Variants in DNAJC3 observed in about 807,000 individuals in gnomAD.
DNAJC3 encodes the protein DnaJ heat shock protein family (Hsp40) member C3, also known as dnaJ homolog subfamily C member 3.
Under a neutral mutation model 68.6 loss-of-function variants are expected in DNAJC3, and 38 were observed. That is an observed-to-expected ratio of 0.55 (90% CI 0.43 to 0.73). The LOEUF is 0.73. Ranked by LOEUF, DNAJC3 falls within the 30% of genes least tolerant of loss-of-function variation. The pLI, the probability that DNAJC3 is intolerant of heterozygous loss-of-function variation, is 0.00. For synonymous variants in DNAJC3, 203 were observed against 204.0 expected (o/e 1.00, Z 0.04); for missense variants, 526 against 591.9 (o/e 0.89, Z 1.16).
intron 5 of DNAJC3, among the ~76,000 whole-genome samples, chr13:95,759,730 CTA>C (rs1196957810): frequency 6.6e-6 from 1 of 152,074 alleles, no homozygotes; most frequent in African/African-American, 2.4e-5. Flanking sequence ...ATAGTAAATG[CTA>C]TGTTTTCTTA....
intron 9 of DNAJC3, among the ~76,000 whole-genome samples, chr13:95,772,862 T>C (rs561836196): frequency 6.6e-6 from 1 of 152,326 alleles, no homozygotes; most frequent in South Asian, 2.1e-4. Flanking sequence ...AATTTAGATA[T>C]TGCTGGATTT....
At chr13:95,772,680 A>T (rs1461745068) in intron 9 of DNAJC3, among the ~76,000 whole-genome samples, 1 of 152,228 alleles carries the variant, frequency 6.6e-6, no homozygotes, top group Non-Finnish European at 1.5e-5. Flanking sequence ...TGAAGTAAGC[A>T]TTCTGCACAT....
chr13:95,726,135 A>ACGTGTG (rs1328586390), intron 4 of DNAJC3, among the ~76,000 whole-genome samples: 1 of 151,940 alleles, frequency 6.6e-6, no homozygotes, highest in Non-Finnish European at 1.5e-5. Flanking sequence ...CAATAAACAT[A>ACGTGTG]CGTGTGCATG....
chr13:95,742,668 G>T (rs769247498), intron 4 of DNAJC3: 5 of 518,414 alleles, frequency 9.6e-6, no homozygotes, highest in Admixed American at 7.8e-5. Flanking sequence ...GGACTCCAGC[G>T]TTCTCTCCTA....
At position 95,791,118 on chromosome 13, in the gene DNAJC3, A is replaced by G; in HGVS notation, c.*88A>G. The G allele has an allele frequency of 2.7e-6, 4 of 1,490,798 alleles. No individual in the cohort carries two copies. The highest frequency in any genetic ancestry group is 3.7e-6 in the Non-Finnish European group (4 of 1,092,196). The allele number at this position is 1,490,798 out of a possible 1,614,324, so 92.3% of individuals were successfully genotyped here. On this transcript the variant is annotated 3_prime_UTR_variant, in exon 12 of 12. Transcript: ENST00000602402. ...GGGACCCTAATGAAAAAAAATTTCA[A>G]ATCTTTTCAGTTTGTCCATGACCAA...
At chr13:95,784,219 T>C (rs1442231437) in intron 9 of DNAJC3, among the ~76,000 whole-genome samples, 1 of 152,188 alleles carries the variant, frequency 6.6e-6, no homozygotes, top group Non-Finnish European at 1.5e-5. Flanking sequence ...GAATTATCTA[T>C]GCAGGGAGAA....
chr13:95,698,264 C>T (rs1249248859), intron 1 of DNAJC3, among the ~76,000 whole-genome samples: 2 of 152,030 alleles, frequency 1.3e-5, no homozygotes, highest in African/African-American at 4.8e-5. Context: ...TGGTATGAGC[C>T]AGCAGCAGCA....
At chr13:95,753,001 G>A (rs1882528464) in intron 4 of DNAJC3, among the ~76,000 whole-genome samples, 1 of 152,192 alleles carries the variant, frequency 6.6e-6, no homozygotes, top group Admixed American at 6.5e-5. Flanking sequence ...ACCTGTTAAT[G>A]TGAGAAAGGC....
chr13:95,740,160 C>G (rs1045378715), intron 4 of DNAJC3, among the ~76,000 whole-genome samples: 1 of 152,240 alleles, frequency 6.6e-6, no homozygotes, highest in Non-Finnish European at 1.5e-5. Flanking sequence ...AGGAGGCAGT[C>G]TACCCGTTCT....
At chr13:95,767,820 G>T (rs111904979) in intron 9 of DNAJC3, among the ~76,000 whole-genome samples, 17,262 of 150,448 alleles carry the variant, frequency 0.11, 1,116 homozygotes, top group Middle Eastern at 0.21. Flanking sequence ...CTCCTTAGTA[G>T]CTGGGATTGC....
intron 4 of DNAJC3, chr13:95,742,511 T>A (rs1321202429): frequency 2.4e-6 from 1 of 419,408 alleles, no homozygotes; most frequent in African/African-American, 2.1e-5. Context: ...ATTGGAGGAG[T>A]CCACAGTGGC....
In DNAJC3 at chr13:95,763,847, T is replaced by G. The variant is rs780615473; in HGVS notation, c.969T>G (p.Val323=). Residue 323 remains valine (V), a synonymous_variant, in exon 9 of 12, where the codon GTT becomes GTG. Coordinates refer to ENST00000602402, the MANE Select transcript of DNAJC3 (RefSeq NM_006260.5). The part of the protein sequence containing the change: ...CHCFSKDEKP[V]EAIRVCSEVL... ...TTTCCTTTTAGGACGAGAAGCCTGT[T>G]GAAGCTATTAGGGTTTGTTCTGAAG... 2.5e-6 allele frequency: 4 copies of G among 1,613,972 alleles called. No individual in the cohort carries two copies. In the South Asian group the frequency reaches 3.3e-5, roughly 13 times the overall value.
intron 1 of DNAJC3, among the ~76,000 whole-genome samples, chr13:95,692,253 G>A (rs1167501728): frequency 6.6e-6 from 1 of 152,186 alleles, no homozygotes; most frequent in Admixed American, 6.5e-5. Context: ...TTTTGTGGTT[G>A]TTGGATAGAA....
chr13:95,678,944 C>T (rs1369199889), intron 1 of DNAJC3, among the ~76,000 whole-genome samples: 3 of 152,022 alleles, frequency 2.0e-5, no homozygotes, highest in African/African-American at 7.3e-5. Flanking sequence ...TTCTTTAGGA[C>T]CATTGTCTGT....
intron 7 of DNAJC3, 70 bp from the exon 8 acceptor site, chr13:95,763,573 G>C: frequency 1.4e-6 from 2 of 1,443,614 alleles, no homozygotes; most frequent in Non-Finnish European, 1.9e-6. Flanking sequence ...TGGTGAAGAG[G>C]GGAGGAGCCT....
In DNAJC3 at chr13:95,776,944, G is replaced by A. The variant is rs150692551; in HGVS notation, c.1076-8995G>A. Among the ~76,000 whole-genome samples, 20 of 152,196 alleles carry A rather than the reference G, an allele frequency of 1.3e-4. No individual in the cohort carries two copies. In the East Asian group the frequency reaches 2.9e-3, roughly 22 times the overall value. On this transcript the variant is annotated intron_variant, in intron 9 of 11. Transcript: ENST00000602402. The stretch of plus-strand genomic sequence containing the variant: ...TCCCTTCTGCACCATCAGGGCACAC[G>A]CTCTGCTCTGTCGCTGTTAGTCCCC...
At chr13:95,695,952 G>A (rs1303862429) in intron 1 of DNAJC3, among the ~76,000 whole-genome samples, 3 of 152,148 alleles carry the variant, frequency 2.0e-5, no homozygotes, top group Non-Finnish European at 4.4e-5. Flanking sequence ...GTACTCCTAT[G>A]TACTTTGTGC....
rs1402336882 is a variant in DNAJC3 at position 95,760,069 on chromosome 13, A to G, written c.576A>G (p.Glu192=). 2 of 1,607,662 alleles carry G rather than the reference A, an allele frequency of 1.2e-6. No individual in the cohort carries two copies. Among genetic ancestry groups the G allele is most frequent in the Admixed American group, 1.7e-5 (1 of 59,360 alleles). The change falls in exon 6 of 12, where the codon GAA becomes GAG. Residue 192 remains glutamate, a synonymous_variant. Coordinates refer to ENST00000602402, the MANE Select transcript of DNAJC3 (RefSeq NM_006260.5). ...GTGTTTGGGATGCAGAACTACGGGAACTTCGAGCTGAATGTTTTATAAAAG... is the reference window on the plus strand; with the variant it reads ...GTGTTTGGGATGCAGAACTACGGGAGCTTCGAGCTGAATGTTTTATAAAAG... ...EVCVWDAELR[E]LRAECFIKEG... is the part of the protein sequence containing the mutation.
chr13:95,725,660 T>A (rs1034583013), intron 4 of DNAJC3, among the ~76,000 whole-genome samples: 2 of 152,000 alleles, frequency 1.3e-5, no homozygotes, highest in African/African-American at 4.8e-5. Context: ...ACAGATTCTT[T>A]TTTTTTTTCT....
Sources: allele counts gnomAD v4.1 joint callset (sites outside exome capture counted in the v4.1 genomes callset), GRCh38; gene constraint gnomAD v4.1.1; transcripts MANE v1.5; gene names NCBI Gene and HGNC (gene_info 2026-07-23, HGNC 2026-07-21).